Variants in NINL observed in about 807,000 individuals in gnomAD.
The protein encoded by NINL is ninein like.
Under a neutral mutation model 160.3 loss-of-function variants are expected in NINL, and 153 were observed. The ratio of observed to expected loss-of-function variants is 0.95; its 90% CI spans 0.84 to 1.09. The LOEUF (loss-of-function observed/expected upper bound fraction) is 1.09, where lower values mean the gene tolerates loss of function less well. Ranked by LOEUF, NINL falls within the 50% of genes least tolerant of loss-of-function variation. NINL has a pLI of 0.00. For missense variants in NINL, 1,829 were observed against 1,764.0 expected (o/e 1.04, Z -0.66); for synonymous variants, 800 against 734.8 (o/e 1.09, Z -1.43).
intron 14 of NINL, chr20:25,481,762 C>T: frequency 2.8e-6 from 2 of 702,320 alleles, no homozygotes; most frequent in Non-Finnish European, 4.7e-6. Context: ...TCCCTTCCTC[C>T]TCCCTCTGCA....
At chr20:25,544,404 T>C (rs1027831315) in intron 1 of NINL, among the ~76,000 whole-genome samples, 3 of 152,184 alleles carry the variant, frequency 2.0e-5, no homozygotes, top group Admixed American at 6.5e-5. Context: ...GTAAAAGTAA[T>C]GAATTACTTT....
intron 8 of NINL, among the ~76,000 whole-genome samples, chr20:25,498,777 G>T (rs1319733627): frequency 6.6e-6 from 1 of 152,226 alleles, no homozygotes; most frequent in Non-Finnish European, 1.5e-5. Context: ...CCACCAAGAA[G>T]AGCGTGGAGA....
At position 25,581,122 on chromosome 20, in the gene NINL, T is replaced by C. The variant is rs373266810; in HGVS notation, c.-12+4333A>G. ...CTTGTGCCAGGAAAGAGGAAAGCTA[T>C]CTAGTAGCTACCTGCTCATGGCAAG... On this transcript the variant is annotated intron_variant, in intron 1 of 23. Transcript: ENST00000278886. Among the ~76,000 whole-genome samples the C allele has an allele frequency of 3.5e-4, 53 of 152,266 alleles. No individual in the cohort carries two copies. The East Asian group carries it at 8.7e-3, about 25-fold the overall frequency.
At chr20:25,518,615 C>T (rs2064204947) in intron 2 of NINL, among the ~76,000 whole-genome samples, 1 of 152,004 alleles carries the variant, frequency 6.6e-6, no homozygotes, top group African/African-American at 2.4e-5. Context: ...TGGATTTTGT[C>T]CAATCTGACA....
intron 2 of NINL, among the ~76,000 whole-genome samples, chr20:25,520,424 T>C (rs1426649354): frequency 6.6e-6 from 1 of 152,210 alleles, no homozygotes; most frequent in Non-Finnish European, 1.5e-5. Context: ...TGTGGCTGTT[T>C]CTTTGCAGAC....
At chr20:25,467,545 T>G in intron 18 of NINL, 87 bp from the exon 19 acceptor site, 1 of 1,021,284 alleles carries the variant, frequency 9.8e-7, no homozygotes, top group Non-Finnish European at 1.6e-6. Context: ...AAGAGCAGCA[T>G]GGGGGTTTGT....
intron 7 of NINL, among the ~76,000 whole-genome samples, chr20:25,503,596 G>C (rs998996792): frequency 2.6e-4 from 39 of 151,566 alleles, no homozygotes; most frequent in African/African-American, 9.5e-4. Flanking sequence ...ACTGCCTTCT[G>C]TTGCATCGGG....
At chr20:25,574,936 G>A (rs530682894) in intron 1 of NINL, among the ~76,000 whole-genome samples, 15 of 151,968 alleles carry the variant, frequency 9.9e-5, no homozygotes, top group East Asian at 9.7e-4. Flanking sequence ...AAATGATGAC[G>A]AAAAACTGCT....
chr20:25,518,100 T>C lies in NINL; in HGVS notation c.181-251A>G, dbSNP rs368379286. 5.9e-5 allele frequency among the ~76,000 whole-genome samples: 9 copies of C among 152,128 alleles called. 1 individual carries two copies. The highest frequency in any genetic ancestry group is 5.8e-4 in the East Asian group (3 of 5,196). ...AATTTTGTAAATCAAACAACATAAT[T>C]AGGAAAGAGGGATCTGATGACCACG... On this transcript the variant is annotated intron_variant, in intron 2 of 23. Coordinates refer to ENST00000278886, the MANE Select transcript of NINL (RefSeq NM_025176.6).
At chr20:25,571,853 G>A (rs1033526425) in intron 1 of NINL, among the ~76,000 whole-genome samples, 5 of 123,372 alleles carry the variant, frequency 4.1e-5, no homozygotes, top group Non-Finnish European at 6.6e-5. Flanking sequence ...GGTCAAGAGA[G>A]TGAGACTCTG....
intron 1 of NINL, among the ~76,000 whole-genome samples, chr20:25,546,373 C>T (rs6050674): frequency 6.6e-6 from 1 of 152,088 alleles, no homozygotes; most frequent in East Asian, 1.9e-4. Context: ...TCTTACCTGC[C>T]TGTGCCCCTC....
intron 1 of NINL, among the ~76,000 whole-genome samples, chr20:25,548,790 A>C (rs1321860277): frequency 7.3e-4 from 54 of 73,558 alleles, no homozygotes; most frequent in East Asian, 9.4e-4. Flanking sequence ...GCTCCCACAC[A>C]GAGACTCACC....
chr20:25,458,524 C>CT lies in NINL; in HGVS notation c.3701dup (p.Ala1236SerfsTer50). On this transcript the variant is annotated frameshift_variant, in exon 22 of 24. Transcript: ENST00000278886. LOFTEE classifies it high-confidence loss of function. ...CCTGCCTCAGCCTCAGGTGAGCTCC[C>CT]TGCACCTGCATGGGGAAGGGGAGAC... 1 of 1,593,046 alleles carries CT rather than the reference C, an allele frequency of 6.3e-7. No individual in the cohort carries two copies. Among genetic ancestry groups the CT allele is most frequent in the Non-Finnish European group, 8.5e-7 (1 of 1,176,068 alleles).
At chr20:25,504,156 C>T (rs560494568) in intron 6 of NINL, 52 bp from the exon 7 acceptor site, 137 of 1,519,286 alleles carry the variant, frequency 9.0e-5, no homozygotes, top group South Asian at 4.8e-4. Flanking sequence ...TCCACCCAAC[C>T]GCCCTCACCA....
chr20:25,526,799 G>A (rs1380136710), intron 1 of NINL, among the ~76,000 whole-genome samples: 5 of 152,210 alleles, frequency 3.3e-5, no homozygotes, highest in African/African-American at 1.2e-4. Flanking sequence ...GCCAGAGCAG[G>A]TTAACAGGGA....
intron 3 of NINL, among the ~76,000 whole-genome samples, chr20:25,514,913 T>C (rs1283519924): frequency 1.3e-5 from 2 of 152,166 alleles, no homozygotes; most frequent in African/African-American, 2.4e-5. Flanking sequence ...TCAGAGGATA[T>C]ATGAAGACAT....
At chr20:25,498,943 C>A in intron 8 of NINL, 1 of 985,488 alleles carries the variant, frequency 1.0e-6, no homozygotes, top group Non-Finnish European at 1.2e-6. Flanking sequence ...TAGAGTCACA[C>A]ACACCCTAAG....
At chr20:25,486,841 A>T (rs2063513420) in intron 13 of NINL, among the ~76,000 whole-genome samples, 1 of 152,216 alleles carries the variant, frequency 6.6e-6, no homozygotes, top group African/African-American at 2.4e-5. Context: ...TAGACCCTTA[A>T]AATCGAACAA....
chr20:25,528,962 G>C (rs1388835284), intron 1 of NINL, among the ~76,000 whole-genome samples: 3 of 152,176 alleles, frequency 2.0e-5, no homozygotes, highest in Admixed American at 2.0e-4. Flanking sequence ...AATGTGGCGG[G>C]AGGCGTTTAC....
Sources: allele counts gnomAD v4.1 joint callset (sites outside exome capture counted in the v4.1 genomes callset), GRCh38; gene constraint gnomAD v4.1.1; transcripts MANE v1.5; gene names NCBI Gene and HGNC (gene_info 2026-07-23, HGNC 2026-07-21).